The following DNASE1 variants were observed in gnomAD, a reference collection of about 807,000 sequenced individuals.
DNASE1 encodes the protein deoxyribonuclease 1.
In DNASE1, 40 loss-of-function variants were observed where a neutral mutation model predicts 33.9. That is an observed-to-expected ratio of 1.18 (90% CI 0.92 to 1.54). The LOEUF (loss-of-function observed/expected upper bound fraction) is 1.54, where lower values mean the gene tolerates loss of function less well. Ranked by LOEUF, DNASE1 falls within the 40% of genes most tolerant of loss-of-function variation. DNASE1 has a pLI of 0.00. For missense variants in DNASE1, 518 were observed against 372.6 expected, an observed-to-expected ratio of 1.39 and a Z score of -3.21; for synonymous variants, 216 against 160.0, an observed-to-expected ratio of 1.35 and a Z score of -2.64.
At chr16:3,612,225 G>T (rs1243944699) in intron 1 of DNASE1, among the ~76,000 whole-genome samples, 1 of 129,028 alleles carries the variant, frequency 7.8e-6, no homozygotes, top group Non-Finnish European at 1.7e-5. Flanking sequence ...CTTCAACTTG[G>T]GGTCGTCGGG....
rs2042782832 is a variant in DNASE1, at chr16:3,657,747, A to C, written c.732A>C (p.Arg244=). The C allele has an allele frequency of 1.2e-6, 2 of 1,613,724 alleles. No individual in the cohort carries two copies. Among genetic ancestry groups the C allele is most frequent in the East Asian group, 4.5e-5 (2 of 44,860 alleles). ...DRIVVAGMLL[R]GAVVPDSALP... ...TCGTGGTTGCAGGGATGCTGCTCCG[A>C]GGCGCCGTTGTTCCCGACTCGGCTC... Residue 244 remains arginine, a synonymous_variant, in exon 8 of 9, where the codon CGA becomes CGC. Coordinates refer to ENST00000246949, the MANE Select transcript of DNASE1 (RefSeq NM_005223.4).
downstream of DNASE1, chr16:3,662,701 C>T: frequency 1.4e-6 from 1 of 703,772 alleles, no homozygotes. Flanking sequence ...GGCCTTCCTG[C>T]CTCAGCGGCA....
rs558153943 is a variant in DNASE1, at chr16:3,645,241, T to A, written c.-86+2205T>A. Among the ~76,000 whole-genome samples the A allele has an allele frequency of 1.2e-4, 19 of 152,306 alleles. 1 individual carries two copies. The highest frequency in any genetic ancestry group is 1.2e-3 in the Admixed American group (19 of 15,298). ...CCTGGACCCTGAGGGCGCCCTCCCT[T>A]TTCCTTTCTGTGGCCCCCTAGCCTT... On this transcript the variant is annotated intron_variant, in intron 1 of 9. Transcript: ENST00000407479.
intron 1 of DNASE1, among the ~76,000 whole-genome samples, chr16:3,632,025 C>A (rs554593075): frequency 1.3e-5 from 2 of 152,302 alleles, no homozygotes; most frequent in South Asian, 4.1e-4. Flanking sequence ...TCATCTCCAC[C>A]CCTTTCAGTT....
chr16:3,653,411 T>G (rs2042405008), upstream of DNASE1: 1 of 152,174 alleles, frequency 6.6e-6, no homozygotes, highest in African/African-American at 2.4e-5. Context: ...AAGTCAAAGA[T>G]TCCAAGAAAT....
chr16:3,614,712 G>A (rs1297826520), intron 1 of DNASE1, among the ~76,000 whole-genome samples: 1 of 152,136 alleles, frequency 6.6e-6, no homozygotes, highest in Non-Finnish European at 1.5e-5. Flanking sequence ...CTGTCTTGAG[G>A]AATTAGACCT....
chr16:3,638,603 G>A (rs2041944709), upstream of DNASE1, among the ~76,000 whole-genome samples: 2 of 152,230 alleles, frequency 1.3e-5, no homozygotes, highest in Admixed American at 1.3e-4. Flanking sequence ...CTCCCAAAGT[G>A]CTGGGATTAC....
chr16:3,656,498 G>C (rs2042639286), intron 4 of DNASE1, 140 bp from the exon 5 acceptor site: 1 of 602,388 alleles, frequency 1.7e-6, no homozygotes, highest in Admixed American at 2.8e-5. Context: ...CCTGTCGCCT[G>C]GGTCCCGGAC....
At chr16:3,645,174 A>AGGGATTTT (rs1187973383) in intron 1 of DNASE1, among the ~76,000 whole-genome samples, 5 of 152,000 alleles carry the variant, frequency 3.3e-5, no homozygotes, top group Non-Finnish European at 7.4e-5. Flanking sequence ...ATCCCTTGCA[A>AGGGATTTT]CTACCACCAC....
chr16:3,612,804 G>A (rs1007435158), intron 1 of DNASE1, among the ~76,000 whole-genome samples: 2 of 152,264 alleles, frequency 1.3e-5, no homozygotes, highest in Non-Finnish European at 2.9e-5. Context: ...AAAAGTGAGA[G>A]CGGCCCGAAT....
chr16:3,658,630 G>C, downstream of DNASE1: 1 of 675,614 alleles, frequency 1.5e-6, no homozygotes. Context: ...CCAAGATCGC[G>C]CCACTGCACT....
chr16:3,640,272 A>G (rs567236262), upstream of DNASE1, among the ~76,000 whole-genome samples: 3 of 152,312 alleles, frequency 2.0e-5, no homozygotes, highest in Non-Finnish European at 4.4e-5. Context: ...TAAAGACTCC[A>G]GGAGACCCTC....
intron 1 of DNASE1, among the ~76,000 whole-genome samples, chr16:3,631,166 G>A (rs557252945): frequency 1.3e-5 from 2 of 151,902 alleles, no homozygotes; most frequent in African/African-American, 4.8e-5. Flanking sequence ...GGGACTACAG[G>A]CGCATGCCAT....
At chr16:3,657,677 T>A in intron 7 of DNASE1, 43 bp from the exon 8 acceptor site, 1 of 1,611,498 alleles carries the variant, frequency 6.2e-7, no homozygotes, top group Non-Finnish European at 8.5e-7. Context: ...GCCAGGCCCA[T>A]GTGTGAAAGG....
upstream of DNASE1, among the ~76,000 whole-genome samples, chr16:3,638,574 GTGA>G (rs778775945): frequency 6.6e-6 from 1 of 152,140 alleles, no homozygotes; most frequent in African/African-American, 2.4e-5. Context: ...TCCTGACCTC[GTGA>G]TCCGCCTGCC....
chr16:3,655,095 A>C, intron 1 of DNASE1, 51 bp downstream of exon 1: 1 of 591,848 alleles, frequency 1.7e-6, no homozygotes, highest in East Asian at 2.8e-5. Context: ...TGGAGCAGGG[A>C]GGGAGGCTTA....
intron 1 of DNASE1, among the ~76,000 whole-genome samples, chr16:3,617,703 T>G (rs1204481367): frequency 1.3e-5 from 2 of 152,104 alleles, no homozygotes; most frequent in African/African-American, 4.8e-5. Context: ...CCCAGCACTT[T>G]GGAAGGCGGA....
chr16:3,640,789 C>T (rs951427181), upstream of DNASE1: 2 of 398,506 alleles, frequency 5.0e-6, no homozygotes, highest in African/African-American at 2.1e-5. Context: ...GGGTAGTGGC[C>T]TCCCCAGCAA....
chr16:3,638,135 GTGTGTT>G (rs2041927498), upstream of DNASE1, among the ~76,000 whole-genome samples: 2 of 151,256 alleles, frequency 1.3e-5, no homozygotes, highest in African/African-American at 4.9e-5. Flanking sequence ...GTGTGTGTGT[GTGTGTT>G]TTTCCCAGTA....
Sources: allele counts gnomAD v4.1 joint callset (sites outside exome capture counted in the v4.1 genomes callset), GRCh38; gene constraint gnomAD v4.1.1; transcripts MANE v1.5; gene names NCBI Gene and HGNC (gene_info 2026-07-23, HGNC 2026-07-21).